The following TAFA3 variants were observed in gnomAD, a reference collection of about 807,000 sequenced individuals.
TAFA3 encodes chemokine-like protein TAFA-3.
A neutral mutation model predicts 20.7 loss-of-function variants in TAFA3; 17 were observed. That is an observed-to-expected ratio of 0.82 (90% confidence interval 0.56 to 1.23). The LOEUF (loss-of-function observed/expected upper bound fraction) is 1.23. Ranked by LOEUF, TAFA3 falls within the 50% of genes most tolerant of loss-of-function variation. The pLI, the probability that TAFA3 is intolerant of heterozygous loss-of-function variation, is 0.00. For synonymous variants in TAFA3, 74 were observed against 71.8 expected (o/e 1.03, Z -0.16); for missense variants, 174 against 172.8 (o/e 1.01, Z -0.04).
chr1:112,723,303 C>G, intron 4 of TAFA3, 138 bp downstream of exon 4: 4 of 1,185,340 alleles, frequency 3.4e-6, no homozygotes, highest in Non-Finnish European at 4.6e-6. Flanking sequence ...GTGGGGCCCC[C>G]TCTGGGAGAA....
chr1:112,719,669 T>C (rs910830137), intron 1 of TAFA3, among the ~76,000 whole-genome samples: 12 of 151,746 alleles, frequency 7.9e-5, no homozygotes, highest in African/African-American at 1.2e-4. Flanking sequence ...CTGAGTTGGA[T>C]TGGAGGATGT....
At chr1:112,724,810 G>T (rs1436403022) in intron 5 of TAFA3, among the ~76,000 whole-genome samples, 1 of 24,706 alleles carries the variant, frequency 4.0e-5, no homozygotes, top group African/African-American at 1.6e-4. Context: ...CAACATATTA[G>T]AGCAGCAAAA....
At chr1:112,720,779 G>T in intron 2 of TAFA3, 145 bp downstream of exon 2, 1 of 152,564 alleles carries the variant, frequency 6.6e-6, no homozygotes. Context: ...CCCAGCAGTG[G>T]TCCAGGCTCA....
At position 112,724,073 on chromosome 1, in the gene TAFA3, G is replaced by A. The variant is rs1220550863; in HGVS notation, c.326G>A (p.Cys109Tyr). 1.4e-5 allele frequency: 22 copies of A among 1,613,606 alleles called. No homozygotes were observed. The highest frequency in any genetic ancestry group is 1.7e-5 in the Non-Finnish European group (20 of 1,179,962). Residue 109 changes from cysteine to tyrosine, a missense_variant, in exon 5 of 6, where the codon TGT becomes TAT. By Grantham distance (194) the Cys-to-Tyr change is radical. Coordinates refer to ENST00000361886, the MANE Select transcript of TAFA3 (RefSeq NM_182759.3). ...QMEPCLPGEE[C>Y]KVLPDLSGWS... ...GAGCCCTGCCTGCCGGGGGAGGAGT[G>A]TAAGGTGCTCCCGGACCTGTCGGGA...
Position 112,724,009 on chromosome 1 carries a change from A to G in TAFA3, c.266-4A>G. The stretch of plus-strand genomic sequence containing the variant: ...GAGCTGCACTCCGCCTCCTGCTCCC[A>G]CAGCCTCCATCGTCCTGCAGAGATG... On this transcript the variant is annotated splice_polypyrimidine_tract_variant and splice_region_variant and intron_variant, in intron 4 of 5. Coordinates refer to ENST00000361886, the MANE Select transcript of TAFA3 (RefSeq NM_182759.3). 6.2e-7 allele frequency: 1 copy of G among 1,613,916 alleles called. No individual in the cohort carries two copies. The highest frequency in any genetic ancestry group is 8.5e-7 in the Non-Finnish European group (1 of 1,179,932).
intron 5 of TAFA3, among the ~76,000 whole-genome samples, chr1:112,724,815 G>GAAAAAAAA (rs1364665420): frequency 1.3e-4 from 1 of 7,664 alleles, no homozygotes. Flanking sequence ...TATTAGAGCA[G>GAAAAAAAA]CAAAAAAAAA....
chr1:112,719,316 G>A lies in TAFA3; in HGVS notation c.-60+17G>A, dbSNP rs1159581265. ...GTGGACCAGGTAGGTCCCAGGTGTG[G>A]GGGCTCAGAATGTGGAGGAATGAGT... On this transcript the variant is annotated intron_variant, in intron 1 of 5. Transcript: ENST00000361886. Among the ~76,000 whole-genome samples, 1 of 152,220 alleles carries A rather than the reference G, an allele frequency of 6.6e-6. No homozygotes were observed. Among genetic ancestry groups the A allele is most frequent in the Non-Finnish European group, 1.5e-5 (1 of 68,036 alleles).
chr1:112,720,913 C>T (rs529289029), intron 2 of TAFA3, among the ~76,000 whole-genome samples: 1 of 152,296 alleles, frequency 6.6e-6, no homozygotes, highest in Admixed American at 6.5e-5. Flanking sequence ...GCCTACCCTT[C>T]AGGGTAGCTT....
chr1:112,725,408 A>AAC (rs1675444972), intron 5 of TAFA3, among the ~76,000 whole-genome samples: 1 of 151,994 alleles, frequency 6.6e-6, no homozygotes, highest in African/African-American at 2.4e-5. Flanking sequence ...AAAAAAAAAA[A>AAC]AAAAAAACAT....
At chr1:112,725,811 A>G (rs1675456938) in intron 5 of TAFA3, among the ~76,000 whole-genome samples, 1 of 152,070 alleles carries the variant, frequency 6.6e-6, no homozygotes, top group East Asian at 1.9e-4. Flanking sequence ...CTTCCCTCCC[A>G]CCACACACAG....
At chr1:112,720,496 C>G (rs1295983380) in intron 1 of TAFA3, 81 bp from the exon 2 acceptor site, 1 of 152,438 alleles carries the variant, frequency 6.6e-6, no homozygotes, top group Non-Finnish European at 1.5e-5. Flanking sequence ...TGCCCTCTCC[C>G]AGGTTCTCCT....
chr1:112,726,270 C>T (rs139036182), intron 5 of TAFA3, among the ~76,000 whole-genome samples: 101 of 152,330 alleles, frequency 6.6e-4, no homozygotes, highest in African/African-American at 2.2e-3. Flanking sequence ...GTAGAGCATC[C>T]TCTCTCTATC....
At chr1:112,723,727 C>A (rs1403185943) in intron 4 of TAFA3, among the ~76,000 whole-genome samples, 1 of 152,168 alleles carries the variant, frequency 6.6e-6, no homozygotes, top group Admixed American at 6.5e-5. Context: ...GGTTGTGCAT[C>A]GATGCTAGTG....
At chr1:112,721,626 A>C (rs559386351) in intron 2 of TAFA3, among the ~76,000 whole-genome samples, 1 of 152,200 alleles carries the variant, frequency 6.6e-6, no homozygotes, top group East Asian at 1.9e-4. Flanking sequence ...CCTTATACAC[A>C]TCGTATACAC....
Position 112,722,867 on chromosome 1 carries a change from A to C in TAFA3, c.116-149A>C. 4.0e-6 allele frequency: 4 copies of C among 1,005,324 alleles called. No homozygotes were observed. In the South Asian group the frequency reaches 6.9e-5, roughly 17 times the overall value. The allele number at this position is 1,005,324 out of a possible 1,614,324, so 62.3% of individuals were successfully genotyped here. On this transcript the variant is annotated intron_variant, in intron 3 of 5. Coordinates refer to ENST00000361886, the MANE Select transcript of TAFA3 (RefSeq NM_182759.3). ...AGGAGCTCTGTGAAGCGGCGGGAAG[A>C]TTTCATCCACTTCCTCCTCCCCTGC...
intron 5 of TAFA3, 150 bp downstream of exon 5, chr1:112,724,287 TTCTCA>T: frequency 1.3e-6 from 1 of 749,270 alleles, no homozygotes; most frequent in Non-Finnish European, 2.1e-6. Context: ...CTCAGGTCTG[TTCTCA>T]CTGGGGACTG....
intron 2 of TAFA3, among the ~76,000 whole-genome samples, chr1:112,721,308 C>CA (rs1675322711): frequency 6.6e-6 from 1 of 152,034 alleles, no homozygotes; most frequent in Non-Finnish European, 1.5e-5. Flanking sequence ...ATAGATAATC[C>CA]TTCCTTTATA....
intron 3 of TAFA3, 124 bp downstream of exon 3, chr1:112,722,472 G>T (rs1675353644): frequency 1.3e-6 from 1 of 774,040 alleles, no homozygotes. Context: ...GAGATTCTAG[G>T]GGTTCCGGCT....
intron 4 of TAFA3, 65 bp downstream of exon 4, chr1:112,723,230 T>C: frequency 3.2e-6 from 5 of 1,539,850 alleles, no homozygotes; most frequent in Non-Finnish European, 4.4e-6. Flanking sequence ...TGTTCAGGCC[T>C]CGCCATCTGC....
Sources: gnomAD v4.1 joint callset for allele counts (sites outside exome capture counted in the v4.1 genomes callset) on GRCh38, gnomAD v4.1.1 for gene constraint, MANE v1.5 for transcripts, NCBI Gene and HGNC (gene_info 2026-07-23, HGNC 2026-07-21) for gene names.